TPX2: variants seen among roughly 807,000 people sequenced by gnomAD.
TPX2 encodes targeting protein for Xklp2.
In TPX2, 21 loss-of-function variants were observed where a neutral mutation model predicts 93.6. That is an observed-to-expected ratio of 0.22 (90% confidence interval 0.16 to 0.32). TPX2 has a LOEUF of 0.32. TPX2 is among the 10% of genes least tolerant of loss of function. TPX2 has a pLI of 1.00. For synonymous variants in TPX2, 281 were observed against 298.3 expected (o/e 0.94, Z 0.60); for missense variants, 776 against 871.1 (o/e 0.89, Z 1.37).
At chr20:31,786,407 T>TTTGTTTTGTTTTG (rs1825122585) in intron 12 of TPX2, among the ~76,000 whole-genome samples, 2 of 142,390 alleles carry the variant, frequency 1.4e-5, no homozygotes, top group Admixed American at 6.8e-5. Context: ...ACTGTTTTTT[T>TTTGTTTTGTTTTG]TTTTTTTTGA....
chr20:31,760,192 C>A lies in TPX2; in HGVS notation c.229+13C>A, dbSNP rs981449085. The A allele has an allele frequency of 3.7e-6, 6 of 1,612,022 alleles. No individual in the cohort carries two copies. Among genetic ancestry groups the A allele is most frequent in the Non-Finnish European group, 5.1e-6 (6 of 1,179,340 alleles). On this transcript the variant is annotated intron_variant, in intron 4 of 17. Transcript: ENST00000300403. ...CCTTTGAAACCAGGTAAGAAAACATCTTAGAAAAAAGCTCCTTGATAGAAT... is the reference window on the plus strand; with the variant it reads ...CCTTTGAAACCAGGTAAGAAAACATATTAGAAAAAAGCTCCTTGATAGAAT...
At chr20:31,754,688 G>A (rs1478385882) in intron 2 of TPX2, among the ~76,000 whole-genome samples, 1 of 152,080 alleles carries the variant, frequency 6.6e-6, no homozygotes, top group Non-Finnish European at 1.5e-5. Context: ...AAGAATTATG[G>A]ATGTGTACAG....
At chr20:31,769,977 T>G (rs2061954668) in intron 5 of TPX2, among the ~76,000 whole-genome samples, 1 of 152,010 alleles carries the variant, frequency 6.6e-6, no homozygotes, top group African/African-American at 2.4e-5. Flanking sequence ...TTTAAAAAAT[T>G]TTTTGTAGAG....
intron 16 of TPX2, 57 bp from the exon 17 acceptor site, chr20:31,798,308 C>T (rs563754556): frequency 2.2e-5 from 35 of 1,606,512 alleles, no homozygotes; most frequent in Middle Eastern, 1.7e-4. Context: ...TTCCAGGGGG[C>T]GTAGGTTTAT....
chr20:31,793,538 G>A (rs979801844), intron 13 of TPX2, among the ~76,000 whole-genome samples: 9 of 152,208 alleles, frequency 5.9e-5, no homozygotes, highest in African/African-American at 1.9e-4. Flanking sequence ...CTGGGTCAAA[G>A]AAGAGACTAA....
intron 12 of TPX2, among the ~76,000 whole-genome samples, chr20:31,786,566 G>T (rs1167225579): frequency 6.6e-6 from 1 of 152,086 alleles, no homozygotes; most frequent in Non-Finnish European, 1.5e-5. Flanking sequence ...ACCATGCCCA[G>T]CTAAGTTTTG....
rs189960606 is a variant in TPX2, at chr20:31,780,496, C to T, written c.1054+1512C>T. Among the ~76,000 whole-genome samples, 53 of 152,236 alleles carry T rather than the reference C, an allele frequency of 3.5e-4. No homozygotes were observed. In the East Asian group the frequency reaches 9.8e-3, roughly 28 times the overall value. The stretch of plus-strand genomic sequence containing the variant: ...GCATAACTTTTCAAATAATATATGA[C>T]TCAGAGTCTGATATGTCCTGCTTTC... On this transcript the variant is annotated intron_variant, in intron 10 of 17. Coordinates refer to ENST00000300403, the MANE Select transcript of TPX2 (RefSeq NM_012112.5).
At chr20:31,761,373 TG>T (rs2061889737) in intron 4 of TPX2, among the ~76,000 whole-genome samples, 1 of 152,054 alleles carries the variant, frequency 6.6e-6, no homozygotes, top group Non-Finnish European at 1.5e-5. Flanking sequence ...GGCTAATTTT[TG>T]TATTTTTAGT....
chr20:31,769,732 T>G (rs547302397), intron 5 of TPX2, among the ~76,000 whole-genome samples: 1 of 152,260 alleles, frequency 6.6e-6, no homozygotes, highest in South Asian at 2.1e-4. Flanking sequence ...ATTTAAGTAT[T>G]TTTGTTTTGT....
intron 10 of TPX2, among the ~76,000 whole-genome samples, chr20:31,780,176 C>T (rs1042667574): frequency 9.9e-5 from 15 of 152,178 alleles, no homozygotes; most frequent in East Asian, 1.9e-4. Flanking sequence ...CTCAGCTTCC[C>T]GAGTAGCTGG....
intron 2 of TPX2, among the ~76,000 whole-genome samples, chr20:31,756,038 G>A (rs1377122776): frequency 3.9e-5 from 6 of 152,180 alleles, no homozygotes; most frequent in South Asian, 2.1e-4. Context: ...CAAAGTTGTC[G>A]TCTTTATACT....
rs2061759263 is a variant in TPX2, at chr20:31,742,532, T to A, written c.-177-9T>A. On this transcript the variant is annotated splice_polypyrimidine_tract_variant and intron_variant, in intron 1 of 17. Coordinates refer to ENST00000300403, the MANE Select transcript of TPX2 (RefSeq NM_012112.5). ...GGAACCTGTTTCATCACTTTTCTGC[T>A]TCTTCCAGGTTCTTGATACATATTT... 1.3e-5 allele frequency: 2 copies of A among 152,244 alleles called. No individual in the cohort carries two copies. The highest frequency in any genetic ancestry group is 6.5e-5 in the Admixed American group (1 of 15,278). 9.4% of individuals were successfully genotyped at this position (152,244 alleles called of 1,614,324 possible). A position where few individuals can be genotyped will look rare whatever the true frequency, so the allele number is the denominator to read the frequency against.
Position 31,798,462 on chromosome 20 carries a change from A to G in TPX2, c.2043A>G (p.Val681=), listed in dbSNP as rs1200484980. ...AGCTGGAGAAGAGAATGGCTGAGGT[A>G]GAAGCCCAGAAAGCCCAGCAGTTGG... is the stretch of plus-strand genomic sequence containing the variant. ...RQELEKRMAE[V]EAQKAQQLEE... is the part of the protein sequence containing the mutation. Residue 681 remains valine, a synonymous_variant, in exon 17 of 18, where the codon GTA becomes GTG. Transcript: ENST00000300403. The G allele has an allele frequency of 6.2e-6, 10 of 1,613,960 alleles. No homozygotes were observed. Among genetic ancestry groups the G allele is most frequent in the Non-Finnish European group, 8.5e-6 (10 of 1,180,034 alleles).
intron 7 of TPX2, among the ~76,000 whole-genome samples, chr20:31,772,003 T>A (rs998174449): frequency 6.6e-6 from 1 of 150,596 alleles, no homozygotes; most frequent in Non-Finnish European, 1.5e-5. Context: ...AGGCATGCAC[T>A]ATCATGCCTG....
Position 31,764,533 on chromosome 20 carries a change from T to C in TPX2, c.230-2023T>C, listed in dbSNP as rs1023965682. Among the ~76,000 whole-genome samples, 15 of 152,310 alleles carry C rather than the reference T, an allele frequency of 9.8e-5. No individual in the cohort carries two copies. The South Asian group carries it at 1.0e-3, about 11-fold the overall frequency. On this transcript the variant is annotated intron_variant, in intron 4 of 17. Transcript: ENST00000300403. ...AAATTCTGTGCTCTGAAACCTACTTTGCCTGATATTAATATAGCCACTCTA... is the reference window on the plus strand; with the variant it reads ...AAATTCTGTGCTCTGAAACCTACTTCGCCTGATATTAATATAGCCACTCTA...
Position 31,783,873 on chromosome 20 carries a change from T to A in TPX2, c.1365T>A (p.Phe455Leu). ...AGAAGAAAACAGAGGATGAACACTT[T>A]GAATTTCATTCCAGACCTTGCCCTA... ...ESKKKTEDEH[F>L]EFHSRPCPTK... Residue 455 changes from phenylalanine to leucine, a missense_variant, in exon 12 of 18, where the codon TTT (phenylalanine) becomes TTA (leucine). Transcript: ENST00000300403. The A allele has an allele frequency of 6.2e-7, 1 of 1,609,324 alleles. No homozygotes were observed. The highest frequency in any genetic ancestry group is 8.5e-7 in the Non-Finnish European group (1 of 1,179,050).
intron 17 of TPX2, 115 bp downstream of exon 17, chr20:31,798,667 A>G (rs929085040): frequency 1.4e-5 from 18 of 1,283,558 alleles, no homozygotes; most frequent in East Asian, 7.7e-5. Flanking sequence ...ACCAAAGACA[A>G]TGAGTGAAAG....
At chr20:31,774,880 C>A (rs752296008) in intron 7 of TPX2, among the ~76,000 whole-genome samples, 1 of 152,192 alleles carries the variant, frequency 6.6e-6, no homozygotes, top group African/African-American at 2.4e-5. Flanking sequence ...GCTGGGATTA[C>A]AAGGGCATGC....
intron 2 of TPX2, among the ~76,000 whole-genome samples, chr20:31,747,379 A>G (rs1224547613): frequency 1.3e-5 from 2 of 152,122 alleles, no homozygotes; most frequent in Non-Finnish European, 2.9e-5. Context: ...TGGCCTCCCA[A>G]AGTACTGGGA....
Sources: gnomAD v4.1 joint callset for allele counts (sites outside exome capture counted in the v4.1 genomes callset) on GRCh38, gnomAD v4.1.1 for gene constraint, MANE v1.5 for transcripts, NCBI Gene and HGNC (gene_info 2026-07-23, HGNC 2026-07-21) for gene names.